Variants in DHX35 observed in about 807,000 individuals in gnomAD.
DHX35 encodes DEAH-box helicase 35, also known as probable ATP-dependent RNA helicase DHX35.
A neutral mutation model predicts 99.6 loss-of-function variants in DHX35; 84 were observed. The ratio of observed to expected loss-of-function variants is 0.84; its 90% CI spans 0.71 to 1.01. DHX35 has a LOEUF of 1.01. Ranked by LOEUF, DHX35 falls within the 50% of genes least tolerant of loss-of-function variation. The pLI is 0.00. For missense variants in DHX35, 852 were observed against 888.5 expected, an observed-to-expected ratio of 0.96 and a Z score of 0.52; for synonymous variants, 331 against 316.2, an observed-to-expected ratio of 1.05 and a Z score of -0.50.
At chr20:39,034,929 A>T (rs1292814787) in intron 21 of DHX35, among the ~76,000 whole-genome samples, 1 of 151,806 alleles carries the variant, frequency 6.6e-6, no homozygotes, top group Non-Finnish European at 1.5e-5. Context: ...GAGCTAATTA[A>T]AAAAAATTTT....
chr20:39,034,164 C>A, intron 20 of DHX35, 42 bp from the exon 21 acceptor site: 1 of 1,477,768 alleles, frequency 6.8e-7, no homozygotes, highest in Non-Finnish European at 9.4e-7. Flanking sequence ...TGACTGTCAT[C>A]ACAAGAGGGG....
At chr20:38,963,897 A>G (rs1481425489) in intron 1 of DHX35, among the ~76,000 whole-genome samples, 1 of 152,226 alleles carries the variant, frequency 6.6e-6, no homozygotes, top group African/African-American at 2.4e-5. Context: ...GATGAGCTCT[A>G]GAGTCAGACT....
At position 39,001,720 on chromosome 20, in the gene DHX35, T is replaced by G; in HGVS notation, c.643-10T>G. 6.3e-7 allele frequency: 1 copy of G among 1,591,506 alleles called. No individual in the cohort carries two copies. The highest frequency in any genetic ancestry group is 8.6e-7 in the Non-Finnish European group (1 of 1,167,092). ...TAAGAGAAATGAAGAATTAATTTTT[T>G]TCTTTTTAGAAATTCCGGGATTTCT... On this transcript the variant is annotated splice_polypyrimidine_tract_variant and intron_variant, in intron 8 of 21. Transcript: ENST00000252011.
intron 1 of DHX35, among the ~76,000 whole-genome samples, chr20:38,966,436 G>T (rs1011895772): frequency 6.6e-6 from 1 of 152,230 alleles, no homozygotes; most frequent in Non-Finnish European, 1.5e-5. Flanking sequence ...TCGGGAGGTC[G>T]AGGTGGGTGG....
chr20:39,000,225 G>C (rs73908230), intron 8 of DHX35, among the ~76,000 whole-genome samples: 4 of 152,290 alleles, frequency 2.6e-5, no homozygotes, highest in African/African-American at 9.6e-5. Flanking sequence ...CCTGAAAGCC[G>C]GTAGTTCTTA....
chr20:39,006,402 C>A (rs1361552184), intron 12 of DHX35, 46 bp downstream of exon 12: 1 of 1,592,800 alleles, frequency 6.3e-7, no homozygotes, highest in Non-Finnish European at 8.6e-7. Context: ...TTATAGTCAG[C>A]CTGGGCAACA....
chr20:39,032,216 A>G (rs1349443931), intron 20 of DHX35, among the ~76,000 whole-genome samples: 2 of 152,172 alleles, frequency 1.3e-5, no homozygotes, highest in South Asian at 2.1e-4. Context: ...CAGTGTCTCA[A>G]TCTGTTGCCC....
intron 2 of DHX35, among the ~76,000 whole-genome samples, chr20:38,972,004 G>GTTTTTTTTTTTT (rs752049458): frequency 1.7e-4 from 14 of 81,044 alleles, no homozygotes; most frequent in East Asian, 4.3e-4. Context: ...GTTTTGTTTT[G>GTTTTTTTTTTTT]TTTTTTTTTT....
At position 38,994,736 on chromosome 20, in the gene DHX35, T is replaced by C. The variant is rs373366332; in HGVS notation, c.583-85T>C. The C allele has an allele frequency of 1.0e-5, 12 of 1,157,490 alleles. 1 individual carries two copies. The African/African-American group carries it at 1.7e-4, about 17-fold the overall frequency. The allele number at this position is 1,157,490 out of a possible 1,614,324, so 71.7% of individuals were successfully genotyped here. A position where few individuals can be genotyped will look rare whatever the true frequency, so the allele number is the denominator to read the frequency against. On this transcript the variant is annotated intron_variant, in intron 7 of 21. Coordinates refer to ENST00000252011, the MANE Select transcript of DHX35 (RefSeq NM_021931.4). ...AAAAAAGAAAAAAAAAGACACTGAATTTTTGAAATACATTTCAGATATCAA... is the reference window on the plus strand; with the variant it reads ...AAAAAAGAAAAAAAAAGACACTGAACTTTTGAAATACATTTCAGATATCAA...
chr20:39,003,809 G>A lies in DHX35; in HGVS notation c.913G>A (p.Gly305Arg). Residue 305 changes from glycine to arginine, a missense_variant, in exon 11 of 22, where the codon GGG becomes AGG. Transcript: ENST00000252011. ...IEQARALARTGMKRHLRVLPM... is the reference protein window; with the variant it reads ...IEQARALARTRMKRHLRVLPM... ...GCAGGCTCGAGCACTAGCTCGCACTGGGATGAAGAGACACCTCCGAGTTCT... is the reference window on the plus strand; with the variant it reads ...GCAGGCTCGAGCACTAGCTCGCACTAGGATGAAGAGACACCTCCGAGTTCT... The A allele has an allele frequency of 6.2e-7, 1 of 1,614,216 alleles. No individual in the cohort carries two copies.
chr20:38,978,274 C>G, intron 3 of DHX35: 2 of 769,838 alleles, frequency 2.6e-6, no homozygotes, highest in South Asian at 1.3e-5. Flanking sequence ...TGCACCAGCC[C>G]CTGAGCTGAC....
At position 38,992,503 on chromosome 20, in the gene DHX35, A is replaced by G. The variant is rs1167643954; in HGVS notation, c.582+78A>G. 3.0e-6 allele frequency: 4 copies of G among 1,330,726 alleles called. No homozygotes were observed. The East Asian group carries it at 9.2e-5, about 31-fold the overall frequency. The allele number at this position is 1,330,726 out of a possible 1,614,324, so 82.4% of individuals were successfully genotyped here. A position where few individuals can be genotyped will look rare whatever the true frequency, so the allele number is the denominator to read the frequency against. ...TACAAAAGCAACTGTAGCAACTTGGAAAGTACAACAAAATACCAAGGAAGA... is the reference window on the plus strand; with the variant it reads ...TACAAAAGCAACTGTAGCAACTTGGGAAGTACAACAAAATACCAAGGAAGA... On this transcript the variant is annotated intron_variant, in intron 7 of 21. Transcript: ENST00000252011.
intron 2 of DHX35, among the ~76,000 whole-genome samples, chr20:38,969,514 A>G (rs187374237): frequency 1.5e-4 from 23 of 151,938 alleles, no homozygotes; most frequent in Non-Finnish European, 3.1e-4. Context: ...AGAAAAGTAG[A>G]GAAAATAGCA....
chr20:39,010,021 C>G (rs949136434), intron 12 of DHX35, among the ~76,000 whole-genome samples: 1 of 151,960 alleles, frequency 6.6e-6, no homozygotes, highest in Non-Finnish European at 1.5e-5. Context: ...TAATGTTTTG[C>G]TGACAAAAAA....
intron 4 of DHX35, among the ~76,000 whole-genome samples, chr20:38,985,726 C>G (rs1262662894): frequency 1.3e-5 from 2 of 152,104 alleles, no homozygotes; most frequent in Admixed American, 6.5e-5. Context: ...GTTTGGAATC[C>G]CAGCTCTTAA....
At chr20:39,009,358 A>T (rs2145910035) in intron 12 of DHX35, among the ~76,000 whole-genome samples, 1 of 152,140 alleles carries the variant, frequency 6.6e-6, no homozygotes, top group East Asian at 1.9e-4. Context: ...CTGTTTTCTC[A>T]AAGAAAACCT....
At chr20:39,005,432 G>T (rs2086599667) in intron 11 of DHX35, among the ~76,000 whole-genome samples, 1 of 152,082 alleles carries the variant, frequency 6.6e-6, no homozygotes, top group Admixed American at 6.5e-5. Context: ...TTGTTACTCA[G>T]GTCTCTGCTC....
At chr20:39,002,583 A>G (rs980646098) in intron 9 of DHX35, among the ~76,000 whole-genome samples, 189 bp from the exon 10 acceptor site, 1 of 152,256 alleles carries the variant, frequency 6.6e-6, no homozygotes, top group African/African-American at 2.4e-5. Flanking sequence ...TAGTTGACAT[A>G]TAATTATGGA....
chr20:39,030,505 C>T (rs2087030802), intron 19 of DHX35, 199 bp from the exon 20 acceptor site: 1 of 561,924 alleles, frequency 1.8e-6, no homozygotes, highest in Non-Finnish European at 3.1e-6. Flanking sequence ...TTCGCTTTTT[C>T]CACGTGATTT....
Sources: gnomAD v4.1 joint callset for allele counts (sites outside exome capture counted in the v4.1 genomes callset) on GRCh38, gnomAD v4.1.1 for gene constraint, MANE v1.5 for transcripts, NCBI Gene and HGNC (gene_info 2026-07-23, HGNC 2026-07-21) for gene names.